The following GGTA1 variants were observed in gnomAD, a reference collection of about 807,000 sequenced individuals.
GGTA1 encodes the protein inactive N-acetyllactosaminide alpha-1,3-galactosyltransferase.
In GGTA1, 5 loss-of-function variants were observed where a neutral mutation model predicts 2.6. The observed-to-expected ratio is 1.92, with a 90% CI of 1.00 to 4.04. The LOEUF (loss-of-function observed/expected upper bound fraction) is 4.04, where lower values mean the gene tolerates loss of function less well. Among genes scored for constraint, GGTA1 ranks in the 30% most tolerant of loss-of-function variants. The pLI is 0.00. For synonymous variants in GGTA1, 17 were observed against 5.0 expected (o/e 3.38, Z -3.19); for missense variants, 50 against 16.7 (o/e 2.99, Z -3.47).
chr9:121,473,689 G>A (rs186340916), intron 1 of GGTA1, among the ~76,000 whole-genome samples: 83 of 152,234 alleles, frequency 5.5e-4, no homozygotes, highest in Non-Finnish European at 8.7e-4. Flanking sequence ...ACTTTGGGAG[G>A]CCAAGATGGG....
At chr9:121,473,786 G>A (rs1009491206) in intron 1 of GGTA1, among the ~76,000 whole-genome samples, 5 of 152,056 alleles carry the variant, frequency 3.3e-5, no homozygotes, top group African/African-American at 1.2e-4. Context: ...GTGTGATGGT[G>A]CATACCTGTA....
intron 7 of GGTA1, among the ~76,000 whole-genome samples, chr9:121,447,813 C>T (rs531682411): frequency 1.4e-4 from 22 of 152,150 alleles, no homozygotes; most frequent in African/African-American, 4.3e-4. Flanking sequence ...TGTAATACCC[C>T]GGCTACTCTC....
exon 8 of GGTA1, chr9:121,446,218 A>G (rs2064851671): frequency 6.6e-6 from 1 of 151,028 alleles, no homozygotes; most frequent in Non-Finnish European, 1.5e-5. Context: ...CCTCTCTTCC[A>G]CTCTCTCTTC....
chr9:121,458,265 G>A (rs1232701097), intron 5 of GGTA1, among the ~76,000 whole-genome samples: 2 of 151,804 alleles, frequency 1.3e-5, no homozygotes, highest in Non-Finnish European at 2.9e-5. Context: ...ATTCATTTAT[G>A]CAAGAAATAG....
At chr9:121,468,269 G>A (rs953992540) in intron 1 of GGTA1, among the ~76,000 whole-genome samples, 5 of 152,176 alleles carry the variant, frequency 3.3e-5, no homozygotes, top group Admixed American at 2.0e-4. Flanking sequence ...AACATGCGGT[G>A]TTTGGTTTTC....
At chr9:121,482,087 G>T (rs538546504) in intron 1 of GGTA1, among the ~76,000 whole-genome samples, 2 of 152,138 alleles carry the variant, frequency 1.3e-5, no homozygotes, top group African/African-American at 4.8e-5. Flanking sequence ...CCCCGCTAGG[G>T]CCACAGGACC....
downstream of GGTA1, among the ~76,000 whole-genome samples, chr9:121,451,818 A>G (rs1364025342): frequency 6.6e-6 from 1 of 152,172 alleles, no homozygotes; most frequent in Non-Finnish European, 1.5e-5. Context: ...CACTTGTGGA[A>G]TTTCTAAAGG....
intron 2 of GGTA1, among the ~76,000 whole-genome samples, chr9:121,465,418 C>G (rs938719871): frequency 2.0e-5 from 3 of 152,194 alleles, no homozygotes; most frequent in African/African-American, 7.2e-5. Flanking sequence ...TGGAGCAGAT[C>G]ATGATGATGA....
At chr9:121,487,652 A>G (rs890886452) in intron 1 of GGTA1, among the ~76,000 whole-genome samples, 1 of 151,752 alleles carries the variant, frequency 6.6e-6, no homozygotes, top group African/African-American at 2.4e-5. Flanking sequence ...CCCACCCTTG[A>G]AAATGCTCCA....
intron 1 of GGTA1, among the ~76,000 whole-genome samples, chr9:121,473,951 GA>G: frequency 7.2e-6 from 1 of 137,970 alleles, no homozygotes; most frequent in Admixed American, 7.3e-5. Flanking sequence ...GAGAGAGAGA[GA>G]GAGAGAGGGA....
intron 1 of GGTA1, among the ~76,000 whole-genome samples, chr9:121,468,759 C>T (rs899062389): frequency 2.6e-5 from 4 of 152,212 alleles, no homozygotes; most frequent in Non-Finnish European, 5.9e-5. Flanking sequence ...AGGCTGCCTC[C>T]ATTGGCAAGG....
chr9:121,456,903 C>T (rs1465564805), intron 5 of GGTA1, among the ~76,000 whole-genome samples: 1 of 152,004 alleles, frequency 6.6e-6, no homozygotes, highest in Non-Finnish European at 1.5e-5. Flanking sequence ...AACTTCTGGA[C>T]ACAAGCAATC....
At chr9:121,479,668 A>G (rs1390647085) in intron 1 of GGTA1, among the ~76,000 whole-genome samples, 1 of 138,522 alleles carries the variant, frequency 7.2e-6, no homozygotes. Flanking sequence ...GACTGCTCCT[A>G]GGACCAGCCA....
At chr9:121,470,000 C>A (rs1248892204) in intron 1 of GGTA1, among the ~76,000 whole-genome samples, 1 of 152,200 alleles carries the variant, frequency 6.6e-6, no homozygotes, top group Non-Finnish European at 1.5e-5. Context: ...CCCCTTGCTG[C>A]CTGTCTTCTG....
chr9:121,492,683 A>G (rs1828894681), intron 1 of GGTA1, among the ~76,000 whole-genome samples: 1 of 151,812 alleles, frequency 6.6e-6, no homozygotes, highest in Non-Finnish European at 1.5e-5. Flanking sequence ...CATGTTGGTC[A>G]GGCTGGTCTT....
intron 1 of GGTA1, among the ~76,000 whole-genome samples, chr9:121,482,180 C>T (rs1445200099): frequency 1.4e-5 from 2 of 145,744 alleles, no homozygotes; most frequent in African/African-American, 5.1e-5. Flanking sequence ...CTAAAACAAT[C>T]TAGGAGGCCA....
At chr9:121,474,777 C>T (rs1436437276) in intron 1 of GGTA1, among the ~76,000 whole-genome samples, 1 of 152,132 alleles carries the variant, frequency 6.6e-6, no homozygotes, top group African/African-American at 2.4e-5. Context: ...GCCATTATCT[C>T]AGAGAGCAGG....
chr9:121,447,759 G>T (rs1375715796), intron 7 of GGTA1, among the ~76,000 whole-genome samples: 2 of 152,080 alleles, frequency 1.3e-5, no homozygotes, highest in Non-Finnish European at 2.9e-5. Context: ...TTTATGGTTA[G>T]TAGGAGAATG....
At chr9:121,477,688 G>C (rs1217397558) in intron 1 of GGTA1, among the ~76,000 whole-genome samples, 1 of 146,006 alleles carries the variant, frequency 6.8e-6, no homozygotes, top group African/African-American at 2.5e-5. Flanking sequence ...CCATTCTCCT[G>C]CCTCAGCCAC....
Sources: allele counts gnomAD v4.1 joint callset (sites outside exome capture counted in the v4.1 genomes callset), GRCh38; gene constraint gnomAD v4.1.1; transcripts MANE v1.5; gene names NCBI Gene and HGNC (gene_info 2026-07-23, HGNC 2026-07-21).